The following RHOBTB2 variants were observed in gnomAD, a reference collection of about 807,000 sequenced individuals.
RHOBTB2 encodes the protein Rho related BTB domain containing 2.
In RHOBTB2, 39 loss-of-function variants were observed where a neutral mutation model predicts 66.5. The observed-to-expected ratio is 0.59, with a 90% CI of 0.45 to 0.77. The LOEUF (loss-of-function observed/expected upper bound fraction) is 0.77, where lower values mean the gene tolerates loss of function less well. Ranked by LOEUF, RHOBTB2 falls within the 30% of genes least tolerant of loss-of-function variation. The pLI, the probability that RHOBTB2 is intolerant of heterozygous loss-of-function variation, is 0.00. For synonymous variants in RHOBTB2, 390 were observed against 395.0 expected (o/e 0.99, Z 0.15); for missense variants, 755 against 999.1 (o/e 0.76, Z 3.29).
the RHOBTB2 span, among the ~76,000 whole-genome samples, chr8:22,982,152 G>T: frequency 8.6e-3 from 1,313 of 152,334 alleles, 17 homozygotes; most frequent in African/African-American, 0.029. Context: ...GGAAGACTCA[G>T]AGGCCACTGG....
the RHOBTB2 span, chr8:22,977,951 A>G: frequency 6.6e-6 from 1 of 152,060 alleles, no homozygotes; most frequent in African/African-American, 2.4e-5. Flanking sequence ...TGAGCCCAAG[A>G]GTCCTATGCT....
intron 8 of RHOBTB2, 54 bp from the exon 9 acceptor site, chr8:23,015,584 C>T: frequency 7.7e-7 from 1 of 1,303,254 alleles, no homozygotes; most frequent in Non-Finnish European, 1.1e-6. Context: ...GGTGTCTATG[C>T]AGACCCTCTC....
chr8:23,008,653 C>T (rs1811044859), intron 6 of RHOBTB2, among the ~76,000 whole-genome samples: 1 of 152,156 alleles, frequency 6.6e-6, no homozygotes, highest in African/African-American at 2.4e-5. Context: ...AGGGGGCATG[C>T]CACAGCACCA....
chr8:23,004,726 C>T lies in RHOBTB2; in HGVS notation c.192+100C>T. On this transcript the variant is annotated intron_variant, in intron 2 of 9. Coordinates refer to ENST00000251822, the MANE Select transcript of RHOBTB2 (RefSeq NM_015178.3). The surrounding 1 kb of genome is among the most constrained non-coding windows in gnomAD (Gnocchi z 6.4). ...GGTGTCTCCAGAGCTCACGGGAGCC[C>T]TCTAGGGGTGGGACAGGATGGGTTG... 8.3e-7 allele frequency: 1 copy of T among 1,201,698 alleles called. No homozygotes were observed. Among genetic ancestry groups the T allele is most frequent in the Non-Finnish European group, 1.2e-6 (1 of 849,620 alleles). The allele number at this position is 1,201,698 out of a possible 1,614,324, so 74.4% of individuals were successfully genotyped here. A position where few individuals can be genotyped will look rare whatever the true frequency, so the allele number is the denominator to read the frequency against.
intron 1 of RHOBTB2, 105 bp downstream of exon 1, chr8:23,000,210 G>A: frequency 3.8e-6 from 3 of 779,354 alleles, no homozygotes; most frequent in Non-Finnish European, 4.7e-6. Flanking sequence ...CGTTCCCCGG[G>A]CCCCGCTAGT....
chr8:22,962,988 A>G, the RHOBTB2 span, among the ~76,000 whole-genome samples: 1 of 152,250 alleles, frequency 6.6e-6, no homozygotes, highest in African/African-American at 2.4e-5. Context: ...AGAAGTGCTG[A>G]ATAGGGAGGT....
At chr8:22,966,475 T>A in the RHOBTB2 span, among the ~76,000 whole-genome samples, 2 of 150,734 alleles carry the variant, frequency 1.3e-5, no homozygotes, top group African/African-American at 4.9e-5. Flanking sequence ...AAATGGCCAA[T>A]AAGTATGTGA....
At chr8:22,997,013 C>T (rs1420847125), upstream of RHOBTB2, among the ~76,000 whole-genome samples, 1 of 152,160 alleles carries the variant, frequency 6.6e-6, no homozygotes, top group African/African-American at 2.4e-5. Context: ...TTAGCCACAA[C>T]TGGGGCACAG....
the RHOBTB2 span, among the ~76,000 whole-genome samples, chr8:22,953,129 G>A: frequency 2.4e-4 from 36 of 152,068 alleles, no homozygotes; most frequent in Non-Finnish European, 3.5e-4. Context: ...CCACATGTGC[G>A]GCGTGTTTAC....
intron 2 of RHOBTB2, among the ~76,000 whole-genome samples, chr8:22,992,468 C>T (rs543326013): frequency 2.5e-3 from 381 of 152,290 alleles, no homozygotes; most frequent in Non-Finnish European, 4.1e-3. Flanking sequence ...CTCAGGAGGT[C>T]TGCAGCTTGG....
chr8:22,976,793 G>GT, the RHOBTB2 span, among the ~76,000 whole-genome samples: 188 of 146,000 alleles, frequency 1.3e-3, no homozygotes, highest in South Asian at 3.0e-3. Context: ...CCCCAGATAG[G>GT]TTTTTTTTTT....
At chr8:23,003,988 A>G in intron 1 of RHOBTB2, 1 of 254,302 alleles carries the variant, frequency 3.9e-6, no homozygotes, top group Non-Finnish European at 7.8e-6. Flanking sequence ...GCATGCTGGG[A>G]AGGGGTGGGG....
At position 23,007,532 on chromosome 8, in the gene RHOBTB2, C is replaced by T. The variant is rs1465655792; in HGVS notation, c.1287C>T (p.Val429=). ...SSIQPGPFRA[V]LKYLYTGELD... ...TCCAGCCGGGGCCCTTCCGGGCTGT[C>T]CTCAAGTACCTGTACACGGGGGAGC... The change falls in exon 5 of 10, where the codon GTC becomes GTT. Residue 429 remains valine (V), a synonymous_variant. Transcript: ENST00000251822. The T allele has an allele frequency of 2.5e-6, 4 of 1,614,016 alleles. No individual in the cohort carries two copies. The highest frequency in any genetic ancestry group is 1.7e-5 in the Admixed American group (1 of 60,000).
rs1563290536 is a variant in RHOBTB2 at position 23,005,411 on chromosome 8, G to C, written c.232G>C (p.Val78Leu). ...RSRDVVDDVS[V>L]SLRLWDTFGD... ...CCGAGACGTGGTAGATGATGTCAGCGTCTCTCTGCGCCTCTGGGACACCTT... is the reference window on the plus strand; with the variant it reads ...CCGAGACGTGGTAGATGATGTCAGCCTCTCTCTGCGCCTCTGGGACACCTT... The change falls in exon 3 of 10, where the codon GTC becomes CTC. Residue 78 changes from valine (V) to leucine (L), a missense_variant. By Grantham distance (32) the Val-to-Leu change is conservative. Transcript: ENST00000251822. 1 of 1,614,010 alleles carries C rather than the reference G, an allele frequency of 6.2e-7. No individual in the cohort carries two copies. Among genetic ancestry groups the C allele is most frequent in the Admixed American group, 1.7e-5 (1 of 60,026 alleles).
At chr8:22,965,998 AG>A in the RHOBTB2 span, among the ~76,000 whole-genome samples, 21 of 152,216 alleles carry the variant, frequency 1.4e-4, no homozygotes, top group Admixed American at 7.8e-4. Context: ...ACAGAATGGG[AG>A]AAAATATGTG....
chr8:22,973,117 C>T, the RHOBTB2 span, among the ~76,000 whole-genome samples: 1 of 152,212 alleles, frequency 6.6e-6, no homozygotes, highest in African/African-American at 2.4e-5. Context: ...CCTCCACCTG[C>T]CCCCAAGACA....
At chr8:22,978,635 A>G in the RHOBTB2 span, among the ~76,000 whole-genome samples, 3 of 151,826 alleles carry the variant, frequency 2.0e-5, no homozygotes, top group Non-Finnish European at 4.4e-5. Flanking sequence ...TAGAAAACAG[A>G]ATGTATTCCA....
At chr8:22,994,694 G>C (rs374418435), upstream of RHOBTB2, 45 of 1,421,638 alleles carry the variant, frequency 3.2e-5, no homozygotes, top group African/African-American at 3.3e-4. Context: ...TTCATCCATC[G>C]AGCATTTATT....
the RHOBTB2 span, among the ~76,000 whole-genome samples, chr8:22,966,225 C>T: frequency 1.3e-3 from 203 of 151,884 alleles, 3 homozygotes; most frequent in South Asian, 0.013. Context: ...TGGTGGCCTG[C>T]GCCTGTAGTC....
Sources: allele counts gnomAD v4.1 joint callset (sites outside exome capture counted in the v4.1 genomes callset), GRCh38; gene constraint gnomAD v4.1.1; non-coding constraint Gnocchi (gnomAD v3.1); transcripts MANE v1.5; gene names NCBI Gene and HGNC (gene_info 2026-07-23, HGNC 2026-07-21).